The following CADM2 variants were observed in gnomAD, a reference collection of about 807,000 sequenced individuals.
CADM2 encodes immunoglobulin superfamily member 4D.
A neutral mutation model predicts 49.8 loss-of-function variants in CADM2; 12 were observed. That is an observed-to-expected ratio of 0.24 (90% CI 0.15 to 0.39). The LOEUF is 0.39. Among genes scored for constraint, CADM2 ranks in the 10% least tolerant of loss-of-function variants. CADM2 has a pLI of 1.00. For synonymous variants in CADM2, 214 were observed against 175.4 expected (o/e 1.22, Z -1.74); for missense variants, 378 against 492.3 (o/e 0.77, Z 2.20).
At chr3:86,043,064 T>C (rs149086992) in intron 8 of CADM2, among the ~76,000 whole-genome samples, 7,348 of 152,246 alleles carry the variant, frequency 0.048, 388 homozygotes, top group African/African-American at 0.14. Flanking sequence ...AAATTAGGTA[T>C]TGATGGGACG....
At chr3:85,397,047 C>T (rs966702315) in intron 1 of CADM2, among the ~76,000 whole-genome samples, 7 of 151,846 alleles carry the variant, frequency 4.6e-5, no homozygotes, top group Admixed American at 4.6e-4. Flanking sequence ...ATTTTAAAAA[C>T]TCCTACAACA....
intron 3 of CADM2, among the ~76,000 whole-genome samples, chr3:85,861,038 T>C (rs2075512132): frequency 6.6e-6 from 1 of 152,124 alleles, no homozygotes; most frequent in African/African-American, 2.4e-5. Flanking sequence ...TTGTGCCCAG[T>C]GCAGTGGATC....
chr3:85,154,014 C>T (rs2040018161), intron 1 of CADM2, among the ~76,000 whole-genome samples: 2 of 152,134 alleles, frequency 1.3e-5, no homozygotes, highest in African/African-American at 4.8e-5. Context: ...AAACTGGAAA[C>T]TCTAAAAAGC....
At chr3:86,022,703 G>A (rs190964123) in intron 8 of CADM2, among the ~76,000 whole-genome samples, 16 of 152,110 alleles carry the variant, frequency 1.1e-4, no homozygotes, top group South Asian at 2.1e-4. Flanking sequence ...TGCACTTAGA[G>A]AGCGTCCTCA....
chr3:85,243,907 T>C (rs2042589165), intron 1 of CADM2, among the ~76,000 whole-genome samples: 2 of 152,074 alleles, frequency 1.3e-5, no homozygotes, highest in Admixed American at 6.6e-5. Context: ...TATATAAATA[T>C]TTAATGTGCA....
chr3:85,441,557 A>C (rs2037202181), intron 1 of CADM2, among the ~76,000 whole-genome samples: 1 of 152,078 alleles, frequency 6.6e-6, no homozygotes, highest in African/African-American at 2.4e-5. Flanking sequence ...GATAAATATG[A>C]AATTGATTTT....
At chr3:85,090,976 T>C (rs2037573759) in intron 1 of CADM2, among the ~76,000 whole-genome samples, 1 of 152,154 alleles carries the variant, frequency 6.6e-6, no homozygotes, top group Admixed American at 6.6e-5. Flanking sequence ...TAAAGCATGG[T>C]GGGGCCAGTA....
chr3:85,724,061 A>C (rs2067601347), intron 1 of CADM2, among the ~76,000 whole-genome samples: 1 of 152,032 alleles, frequency 6.6e-6, no homozygotes, highest in Admixed American at 6.5e-5. Context: ...TAAAAAAGGA[A>C]AATAATTTTA....
intron 1 of CADM2, among the ~76,000 whole-genome samples, chr3:84,962,314 A>G (rs1369998635): frequency 6.6e-6 from 1 of 151,426 alleles, no homozygotes; most frequent in Non-Finnish European, 1.5e-5. Context: ...GGCACAAAGC[A>G]CCACTGGATT....
intron 5 of CADM2, among the ~76,000 whole-genome samples, chr3:85,887,178 C>T (rs1356654754): frequency 1.4e-5 from 2 of 140,134 alleles, no homozygotes; most frequent in Non-Finnish European, 3.2e-5. Flanking sequence ...CCTCGCACTC[C>T]TAGGCTCCAG....
intron 1 of CADM2, among the ~76,000 whole-genome samples, chr3:85,369,848 C>T (rs1297439910): frequency 1.3e-5 from 2 of 152,088 alleles, no homozygotes; most frequent in Non-Finnish European, 2.9e-5. Flanking sequence ...TGATGCCACA[C>T]AGCAGTCCTA....
intron 1 of CADM2, among the ~76,000 whole-genome samples, chr3:84,974,920 A>AT (rs1316605155): frequency 6.6e-6 from 1 of 151,922 alleles, no homozygotes; most frequent in African/African-American, 2.4e-5. Context: ...AAATGATAAC[A>AT]TTTTTGTACA....
In CADM2 at chr3:85,895,727, T is replaced by G. The variant is rs531863515; in HGVS notation, c.529+9400T>G. Among the ~76,000 whole-genome samples, 8 of 152,216 alleles carry G rather than the reference T, an allele frequency of 5.3e-5. No homozygotes were observed. The South Asian group carries it at 1.5e-3, about 28-fold the overall frequency. ...TCCATGCTGTTCTTGTAATAGTAAATAAGTCTCATGAGATCTGATGGTTAT... is the reference window on the plus strand; with the variant it reads ...TCCATGCTGTTCTTGTAATAGTAAAGAAGTCTCATGAGATCTGATGGTTAT... On this transcript the variant is annotated intron_variant, in intron 5 of 9. Coordinates refer to ENST00000383699, the MANE Select transcript of CADM2 (RefSeq NM_001167675.2).
intron 1 of CADM2, among the ~76,000 whole-genome samples, chr3:85,515,649 T>A (rs970484817): frequency 6.8e-6 from 1 of 146,068 alleles, no homozygotes; most frequent in Non-Finnish European, 1.5e-5. Context: ...TTTTTGTATC[T>A]TTAGTAGAGA....
At chr3:85,332,925 T>C (rs2044972331) in intron 1 of CADM2, among the ~76,000 whole-genome samples, 1 of 151,944 alleles carries the variant, frequency 6.6e-6, no homozygotes, top group Non-Finnish European at 1.5e-5. Flanking sequence ...GAATTAATAA[T>C]AGATTATTCT....
intron 1 of CADM2, among the ~76,000 whole-genome samples, chr3:85,083,789 C>G (rs533493252): frequency 2.0e-5 from 3 of 151,924 alleles, no homozygotes; most frequent in Admixed American, 2.0e-4. Context: ...ACCGAGCAAG[C>G]AAAATAGAGG....
intron 1 of CADM2, among the ~76,000 whole-genome samples, chr3:85,326,231 T>G (rs1321593581): frequency 6.6e-6 from 1 of 152,164 alleles, no homozygotes; most frequent in Admixed American, 6.5e-5. Context: ...TTGTGTATAT[T>G]TAAGTGATTC....
intron 1 of CADM2, among the ~76,000 whole-genome samples, chr3:85,647,626 T>G (rs1412705260): frequency 6.6e-6 from 1 of 151,800 alleles, no homozygotes; most frequent in Non-Finnish European, 1.5e-5. Context: ...AAATTGACTT[T>G]TAGAAAAATT....
At chr3:85,499,219 A>C (rs2040020796) in intron 1 of CADM2, among the ~76,000 whole-genome samples, 1 of 152,128 alleles carries the variant, frequency 6.6e-6, no homozygotes, top group Non-Finnish European at 1.5e-5. Flanking sequence ...CAGAGTCAAA[A>C]ATAATAACAA....
Sources: allele counts gnomAD v4.1 joint callset (sites outside exome capture counted in the v4.1 genomes callset), GRCh38; gene constraint gnomAD v4.1.1; transcripts MANE v1.5; gene names NCBI Gene and HGNC (gene_info 2026-07-23, HGNC 2026-07-21).